Variants in SLC1A1 observed in about 807,000 individuals in gnomAD.
SLC1A1 encodes the protein solute carrier family 1 member 1.
Under a neutral mutation model 53.3 loss-of-function variants are expected in SLC1A1, and 43 were observed. That is an observed-to-expected ratio of 0.81 (90% CI 0.63 to 1.04). SLC1A1 has a LOEUF of 1.04. Ranked by LOEUF, SLC1A1 falls within the 50% of genes least tolerant of loss-of-function variation. SLC1A1 has a pLI of 0.00. For synonymous variants in SLC1A1, 307 were observed against 243.2 expected, an observed-to-expected ratio of 1.26 and a Z score of -2.44; for missense variants, 748 against 664.9, an observed-to-expected ratio of 1.12 and a Z score of -1.37.
chr9:4,576,041 T>C lies in SLC1A1; in HGVS notation c.916T>C (p.Phe306Leu). ...HSIVILPLIY[F>L]IVVRKNPFRF... ...CATTGTAATTCTCCCGCTGATATAT[T>C]TCATAGTCGTACGAAAGAACCCTTT... Residue 306 changes from phenylalanine (F) to leucine (L), a missense_variant, in exon 9 of 12, where the codon TTC becomes CTC. By Grantham distance (22) the Phe-to-Leu change is conservative (BLOSUM62 0). Coordinates refer to ENST00000262352, the MANE Select transcript of SLC1A1 (RefSeq NM_004170.6). 6.2e-7 allele frequency: 1 copy of C among 1,613,968 alleles called. No individual in the cohort carries two copies. The highest frequency in any genetic ancestry group is 8.5e-7 in the Non-Finnish European group (1 of 1,179,790).
chr9:4,585,193 G>A, intron 11 of SLC1A1, 119 bp from the exon 12 acceptor site: 8 of 1,360,062 alleles, frequency 5.9e-6, no homozygotes, highest in Non-Finnish European at 8.3e-6. Context: ...CAGCCATGAG[G>A]ACAGCACTTT....
chr9:4,585,680 C>G lies in SLC1A1; in HGVS notation c.*122C>G. The G allele has an allele frequency of 8.1e-7, 1 of 1,237,606 alleles. No individual in the cohort carries two copies. The highest frequency in any genetic ancestry group is 1.2e-6 in the Non-Finnish European group (1 of 858,540). The allele number at this position is 1,237,606 out of a possible 1,614,324, so 76.7% of individuals were successfully genotyped here. On this transcript the variant is annotated 3_prime_UTR_variant, in exon 12 of 12. Coordinates refer to ENST00000262352, the MANE Select transcript of SLC1A1 (RefSeq NM_004170.6). ...TGTACATTTGATTTGATATACAGAC[C>G]TCCAGATTATTTTCTATATTTGGAT... is the stretch of plus-strand genomic sequence containing the variant.
intron 1 of SLC1A1, among the ~76,000 whole-genome samples, chr9:4,528,570 C>G (rs543143784): frequency 6.6e-6 from 1 of 151,992 alleles, no homozygotes; most frequent in Non-Finnish European, 1.5e-5. Context: ...AGCAGGACTC[C>G]GTCTCAAAAA....
At chr9:4,552,466 G>A (rs1818014324) in intron 2 of SLC1A1, among the ~76,000 whole-genome samples, 2 of 152,230 alleles carry the variant, frequency 1.3e-5, no homozygotes, top group South Asian at 4.1e-4. Flanking sequence ...CTTGAAGTGC[G>A]ATGCTGGAAA....
rs370168018 is a variant in SLC1A1, at chr9:4,576,043, C to A, written c.918C>A (p.Phe306Leu). Residue 306 changes from phenylalanine to leucine, a missense_variant, in exon 9 of 12, where the codon TTC becomes TTA. Transcript: ENST00000262352. ...TTGTAATTCTCCCGCTGATATATTTCATAGTCGTACGAAAGAACCCTTTCC... is the reference window on the plus strand; with the variant it reads ...TTGTAATTCTCCCGCTGATATATTTAATAGTCGTACGAAAGAACCCTTTCC... ...HSIVILPLIY[F>L]IVVRKNPFRF... The A allele has an allele frequency of 6.9e-5, 111 of 1,613,606 alleles. No homozygotes were observed. Among genetic ancestry groups the A allele is most frequent in the Non-Finnish European group, 9.3e-5 (110 of 1,179,592 alleles).
chr9:4,587,469 C>A lies in SLC1A1; in HGVS notation c.*1911C>A, dbSNP rs781098814. 1.3e-5 allele frequency: 2 copies of A among 152,196 alleles called. No homozygotes were observed. Among genetic ancestry groups the A allele is most frequent in the African/African-American group, 2.4e-5 (1 of 41,432 alleles). The allele number at this position is 152,196 out of a possible 1,614,324, so 9.4% of individuals were successfully genotyped here. On this transcript the variant is annotated 3_prime_UTR_variant, in exon 12 of 12. Coordinates refer to ENST00000262352, the MANE Select transcript of SLC1A1 (RefSeq NM_004170.6). ...TCAATAAACACTTCCCTCATTCTTTCCCCCTGCCTTTTTCTTCTTGTTATC... is the reference window on the plus strand; with the variant it reads ...TCAATAAACACTTCCCTCATTCTTTACCCCTGCCTTTTTCTTCTTGTTATC...
rs537055593 is a variant in SLC1A1, at chr9:4,498,414, A to G, written c.91+7644A>G. Among the ~76,000 whole-genome samples the G allele has an allele frequency of 8.5e-5, 13 of 152,308 alleles. No individual in the cohort carries two copies. The South Asian group carries it at 2.7e-3, about 32-fold the overall frequency. ...TATGTCTCTAATTTAAAATATTTGC[A>G]AAGTACACAATACTCCAAAAACACT... is the stretch of plus-strand genomic sequence containing the variant. On this transcript the variant is annotated intron_variant, in intron 1 of 11. Transcript: ENST00000262352.
At chr9:4,496,009 A>C (rs1394525269) in intron 1 of SLC1A1, among the ~76,000 whole-genome samples, 1 of 152,156 alleles carries the variant, frequency 6.6e-6, no homozygotes, top group Non-Finnish European at 1.5e-5. Flanking sequence ...GGTGCTCAGG[A>C]GACAAATGTG....
chr9:4,539,544 GTTTC>G, intron 1 of SLC1A1, among the ~76,000 whole-genome samples: 1 of 152,106 alleles, frequency 6.6e-6, no homozygotes, highest in African/African-American at 2.4e-5. Flanking sequence ...TTCCTCCCAT[GTTTC>G]TTTCTTTGTG....
At chr9:4,571,263 G>A (rs563521317) in intron 6 of SLC1A1, among the ~76,000 whole-genome samples, 5 of 152,194 alleles carry the variant, frequency 3.3e-5, no homozygotes, top group Admixed American at 1.3e-4. Flanking sequence ...GAGAGGATCA[G>A]GAAAAATAAT....
Position 4,567,740 on chromosome 9 carries a change from A to T in SLC1A1, c.555A>T (p.Thr185=). ...PEMNMTEESF[T]AVMTTAISKN... is the part of the protein sequence containing the mutation. Reference sequence around the variant, plus strand: ...TGAACATGACAGAAGAGTCCTTCACAGCTGTCATGACAACTGCAATTTCCA... The same window carrying T: ...TGAACATGACAGAAGAGTCCTTCACTGCTGTCATGACAACTGCAATTTCCA... The change falls in exon 6 of 12, where the codon ACA becomes ACT. Residue 185 remains threonine (T), a synonymous_variant. Transcript: ENST00000262352. 6.2e-7 allele frequency: 1 copy of T among 1,611,556 alleles called. No individual in the cohort carries two copies. Among genetic ancestry groups the T allele is most frequent in the Non-Finnish European group, 8.5e-7 (1 of 1,177,818 alleles).
rs145428900 is a variant in SLC1A1, at chr9:4,527,606, C to T, written c.92-16961C>T. Among the ~76,000 whole-genome samples, 43 of 152,290 alleles carry T rather than the reference C, an allele frequency of 2.8e-4. No homozygotes were observed. The East Asian group carries it at 5.2e-3, about 19-fold the overall frequency. On this transcript the variant is annotated intron_variant, in intron 1 of 11. Transcript: ENST00000262352. ...CACAATTTTGATGGAGATAATCAAA[C>T]CAGGTTCTCATTTTAGATAAAATTT...
At chr9:4,551,086 T>C (rs1178880928) in intron 2 of SLC1A1, among the ~76,000 whole-genome samples, 2 of 152,200 alleles carry the variant, frequency 1.3e-5, no homozygotes, top group African/African-American at 4.8e-5. Flanking sequence ...GGAGTATGAA[T>C]GCACTGAAGA....
At chr9:4,535,028 C>T (rs1000783073) in intron 1 of SLC1A1, among the ~76,000 whole-genome samples, 1 of 152,142 alleles carries the variant, frequency 6.6e-6, no homozygotes, top group Non-Finnish European at 1.5e-5. Context: ...TAAAAACTCT[C>T]AATAAATTAG....
intron 10 of SLC1A1, among the ~76,000 whole-genome samples, chr9:4,581,287 G>T (rs1255328487): frequency 6.6e-6 from 1 of 152,214 alleles, no homozygotes; most frequent in African/African-American, 2.4e-5. Flanking sequence ...TGTGAGGAAA[G>T]AACTTTGTAC....
At chr9:4,555,791 A>G (rs1586777346) in intron 2 of SLC1A1, among the ~76,000 whole-genome samples, 1 of 152,170 alleles carries the variant, frequency 6.6e-6, no homozygotes, top group Admixed American at 6.5e-5. Flanking sequence ...ATCTGGTGAC[A>G]GTTCAGGCTC....
At chr9:4,541,405 T>G (rs1393083756) in intron 1 of SLC1A1, among the ~76,000 whole-genome samples, 1 of 152,208 alleles carries the variant, frequency 6.6e-6, no homozygotes, top group Non-Finnish European at 1.5e-5. Context: ...ATTTAGTTCG[T>G]TTGTTTTCTT....
rs143880907 is a variant in SLC1A1 at position 4,517,779 on chromosome 9, C to T, written c.92-26788C>T. On this transcript the variant is annotated intron_variant, in intron 1 of 11. Transcript: ENST00000262352. ...GAGAAAAGGCCACCATGGACCCTCA[C>T]TTTCATGTGATGGGGCTTGGGCAGA... Among the ~76,000 whole-genome samples the T allele has an allele frequency of 5.9e-3, 893 of 152,288 alleles. 4 individuals carry two copies. Among genetic ancestry groups the T allele is most frequent in the African/African-American group, 0.019 (789 of 41,548 alleles).
At chr9:4,523,097 T>C (rs1387259648) in intron 1 of SLC1A1, among the ~76,000 whole-genome samples, 1 of 152,202 alleles carries the variant, frequency 6.6e-6, no homozygotes, top group Admixed American at 6.5e-5. Context: ...CATCCCTGTC[T>C]TCCCACAGCT....
Sources: gnomAD v4.1 joint callset for allele counts (sites outside exome capture counted in the v4.1 genomes callset) on GRCh38, gnomAD v4.1.1 for gene constraint, MANE v1.5 for transcripts, NCBI Gene and HGNC (gene_info 2026-07-23, HGNC 2026-07-21) for gene names.